The following GSTCD variants were observed in gnomAD, a reference collection of about 807,000 sequenced individuals.
GSTCD encodes glutathione S-transferase C-terminal domain-containing protein.
GSTCD carries 44 observed loss-of-function variants against 68.3 expected under a neutral mutation model. The observed-to-expected ratio is 0.64, with a 90% CI of 0.51 to 0.83. The LOEUF is 0.83. Ranked by LOEUF, GSTCD falls within the 40% of genes least tolerant of loss-of-function variation. The probability of loss-of-function intolerance (pLI) is 0.00; values close to 1 mark genes in which losing one functional copy is unlikely to be tolerated. For synonymous variants in GSTCD, 273 were observed against 255.2 expected, an observed-to-expected ratio of 1.07 and a Z score of -0.67; for missense variants, 739 against 735.9, an observed-to-expected ratio of 1.00 and a Z score of -0.05.
At chr4:105,785,109 C>A (rs944094264) in intron 5 of GSTCD, among the ~76,000 whole-genome samples, 2 of 152,200 alleles carry the variant, frequency 1.3e-5, no homozygotes, top group African/African-American at 4.8e-5. Context: ...TCAGATACTT[C>A]TAATTCTAAT....
At chr4:105,769,216 ATATAC>A (rs1477874664) in intron 5 of GSTCD, among the ~76,000 whole-genome samples, 1 of 141,956 alleles carries the variant, frequency 7.0e-6, no homozygotes, top group African/African-American at 2.6e-5. Flanking sequence ...ATTTTTAAAA[ATATAC>A]TATACACGCG....
intron 5 of GSTCD, among the ~76,000 whole-genome samples, chr4:105,791,960 C>T (rs1735693213): frequency 6.6e-6 from 1 of 151,962 alleles, no homozygotes; most frequent in South Asian, 2.1e-4. Context: ...AACTTAGGAG[C>T]CCTTAGGGAA....
intron 5 of GSTCD, among the ~76,000 whole-genome samples, chr4:105,810,849 A>G (rs1221854800): frequency 6.6e-6 from 1 of 152,044 alleles, no homozygotes; most frequent in African/African-American, 2.4e-5. Flanking sequence ...TGAGTTTTGC[A>G]TTTTAAGTAA....
chr4:105,828,856 C>G (rs1328891552), intron 8 of GSTCD, among the ~76,000 whole-genome samples: 1 of 152,090 alleles, frequency 6.6e-6, no homozygotes, highest in African/African-American at 2.4e-5. Flanking sequence ...AGACAAGATT[C>G]CTGCTCTCGT....
intron 5 of GSTCD, among the ~76,000 whole-genome samples, chr4:105,776,808 T>C (rs1457511948): frequency 6.6e-6 from 1 of 152,228 alleles, no homozygotes; most frequent in African/African-American, 2.4e-5. Context: ...TGATACTCCG[T>C]ACATTCTTAA....
rs529965651 is a variant in GSTCD, at chr4:105,710,481, G to A, written c.-22+1465G>A. 4.2e-3 allele frequency among the ~76,000 whole-genome samples: 628 copies of A among 149,404 alleles called. 6 individuals carry two copies. The highest frequency in any genetic ancestry group is 0.015 in the African/African-American group (590 of 40,486). On this transcript the variant is annotated intron_variant, in intron 1 of 11. Coordinates refer to ENST00000515279, the MANE Select transcript of GSTCD (RefSeq NM_001370181.1). ...TGACCTCAAATGATCCGCCCGCCTC[G>A]GCTTCCCAAAGTGGTGGGATTACAG...
chr4:105,768,840 ATCTAT>A (rs1461115531), intron 5 of GSTCD, among the ~76,000 whole-genome samples: 8 of 151,724 alleles, frequency 5.3e-5, no homozygotes, highest in African/African-American at 1.7e-4. Flanking sequence ...TTCTCATATA[ATCTAT>A]TCTATAAAAC....
intron 5 of GSTCD, among the ~76,000 whole-genome samples, chr4:105,755,847 A>G (rs1036729306): frequency 6.6e-6 from 1 of 150,488 alleles, no homozygotes; most frequent in Non-Finnish European, 1.5e-5. Context: ...TGCATTAACT[A>G]TAAACAGAAA....
At chr4:105,754,906 A>G (rs1419439581) in intron 5 of GSTCD, among the ~76,000 whole-genome samples, 1 of 151,892 alleles carries the variant, frequency 6.6e-6, no homozygotes, top group Non-Finnish European at 1.5e-5. Flanking sequence ...AAAAGGCAAT[A>G]TTACAGAAAA....
At chr4:105,799,312 G>A (rs539889947) in intron 5 of GSTCD, among the ~76,000 whole-genome samples, 24 of 152,252 alleles carry the variant, frequency 1.6e-4, no homozygotes, top group East Asian at 7.7e-4. Context: ...CTAAAGGAGC[G>A]TTTTTAATTT....
In GSTCD at chr4:105,845,515, A is replaced by G; in HGVS notation, c.1840A>G (p.Ile614Val). The change falls in exon 12 of 12, where the codon ATA becomes GTA. Residue 614 changes from isoleucine (I) to valine (V), a missense_variant. Ile to Val is a conservative substitution (Grantham distance 29). Transcript: ENST00000515279. ...AGAATGTGGATACTCCGTTCAAGTG[A>G]TATCCATGGAGCCAGAGAGCTGCTC... is the stretch of plus-strand genomic sequence containing the variant. ...AEECGYSVQV[I>V]SMEPESCSPK... 1.2e-6 allele frequency: 2 copies of G among 1,613,890 alleles called. No homozygotes were observed. Among genetic ancestry groups the G allele is most frequent in the Non-Finnish European group, 1.7e-6 (2 of 1,179,758 alleles).
Position 105,774,002 on chromosome 4 carries a change from AG to A in GSTCD, c.1240+44505del, listed in dbSNP as rs1452301237. 3.3e-5 allele frequency among the ~76,000 whole-genome samples: 5 copies of A among 152,284 alleles called. No homozygotes were observed. In the East Asian group the frequency reaches 9.6e-4, roughly 29 times the overall value. On this transcript the variant is annotated intron_variant, in intron 5 of 11. Transcript: ENST00000515279. ...TGTGTGGGAGTCTCAGTCTCTTTGT[AG>A]GTCTCTAAGAACTTGCTTTATGAAT...
intron 5 of GSTCD, among the ~76,000 whole-genome samples, chr4:105,817,366 T>G (rs1432303053): frequency 6.6e-6 from 1 of 151,888 alleles, no homozygotes; most frequent in Non-Finnish European, 1.5e-5. Flanking sequence ...TGCTGTCTTT[T>G]TAGTTAATTA....
At chr4:105,727,578 G>T (rs1733083804) in intron 4 of GSTCD, among the ~76,000 whole-genome samples, 1 of 150,132 alleles carries the variant, frequency 6.7e-6, no homozygotes, top group African/African-American at 2.4e-5. Flanking sequence ...ACATTCCAAG[G>T]TTTTGTTTAA....
intron 1 of GSTCD, among the ~76,000 whole-genome samples, chr4:105,710,264 G>T (rs1732486617): frequency 9.2e-6 from 1 of 108,426 alleles, no homozygotes. Context: ...TTGAGCTGGA[G>T]TCCTGCTCTG....
chr4:105,718,413 C>G (rs1188024200), intron 2 of GSTCD, among the ~76,000 whole-genome samples: 1 of 152,158 alleles, frequency 6.6e-6, no homozygotes, highest in Non-Finnish European at 1.5e-5. Context: ...CTTGCACCCT[C>G]TCTCCCCATG....
intron 5 of GSTCD, among the ~76,000 whole-genome samples, chr4:105,742,719 T>A (rs1733669832): frequency 6.6e-6 from 1 of 151,098 alleles, no homozygotes; most frequent in African/African-American, 2.4e-5. Flanking sequence ...TTTTTTTTTT[T>A]TTTTTATTTC....
rs185006504 is a variant in GSTCD, at chr4:105,847,530, A to T, written c.*1953A>T. ...AACTGTATATATACATGTAACCATCACTGGAATCAGATATAGAATATTCCC... is the reference window on the plus strand; with the variant it reads ...AACTGTATATATACATGTAACCATCTCTGGAATCAGATATAGAATATTCCC... On this transcript the variant is annotated 3_prime_UTR_variant, in exon 12 of 12. Transcript: ENST00000515279. The T allele has an allele frequency of 2.9e-4, 44 of 152,328 alleles. No homozygotes were observed. Among genetic ancestry groups the T allele is most frequent in the Admixed American group, 2.7e-3 (41 of 15,300 alleles). The allele number at this position is 152,328 out of a possible 1,614,324, so 9.4% of individuals were successfully genotyped here. A position where few individuals can be genotyped will look rare whatever the true frequency, so the allele number is the denominator to read the frequency against.
At chr4:105,823,366 G>A (rs1007058974) in intron 7 of GSTCD, 91 bp downstream of exon 7, 19 of 1,037,460 alleles carry the variant, frequency 1.8e-5, no homozygotes, top group Admixed American at 1.8e-4. Flanking sequence ...GGAGTTTCTA[G>A]TCACTCACCC....
Sources: allele counts gnomAD v4.1 joint callset (sites outside exome capture counted in the v4.1 genomes callset), GRCh38; gene constraint gnomAD v4.1.1; transcripts MANE v1.5; gene names NCBI Gene and HGNC (gene_info 2026-07-23, HGNC 2026-07-21).